Variants in TDRD7 observed in about 807,000 individuals in gnomAD.
The protein encoded by TDRD7 is tudor domain-containing protein 7.
In TDRD7, 47 loss-of-function variants were observed where a neutral mutation model predicts 109.8. The observed-to-expected ratio is 0.43, with a 90% CI of 0.34 to 0.55. The LOEUF (loss-of-function observed/expected upper bound fraction) is 0.55, where lower values mean the gene tolerates loss of function less well. Among genes scored for constraint, TDRD7 ranks in the 20% least tolerant of loss-of-function variants. The probability of loss-of-function intolerance (pLI) is 0.03; values close to 1 mark genes in which losing one functional copy is unlikely to be tolerated. For synonymous variants in TDRD7, 424 were observed against 457.3 expected (o/e 0.93, Z 0.93); for missense variants, 1,164 against 1,319.2 (o/e 0.88, Z 1.82).
At chr9:97,450,343 G>A (rs1053729574) in intron 6 of TDRD7, among the ~76,000 whole-genome samples, 3 of 152,230 alleles carry the variant, frequency 2.0e-5, no homozygotes, top group African/African-American at 7.2e-5. Context: ...TCCCACAGTA[G>A]AGGAGGCCTT....
intron 2 of TDRD7, among the ~76,000 whole-genome samples, chr9:97,429,529 G>A (rs928247955): frequency 9.2e-5 from 14 of 152,196 alleles, no homozygotes; most frequent in African/African-American, 3.4e-4. Flanking sequence ...AGGCAGTGGT[G>A]GAGGAGGACA....
At chr9:97,462,768 T>C (rs1828747482) in intron 7 of TDRD7, among the ~76,000 whole-genome samples, 1 of 152,264 alleles carries the variant, frequency 6.6e-6, no homozygotes, top group Non-Finnish European at 1.5e-5. Context: ...ATGTCAGTCC[T>C]GCACTGTGCC....
At chr9:97,441,550 A>G (rs1015825324) in intron 5 of TDRD7, 108 bp from the exon 6 acceptor site, 17 of 982,792 alleles carry the variant, frequency 1.7e-5, no homozygotes, top group Non-Finnish European at 2.6e-5. Context: ...TCCTTTGGCT[A>G]CCACAAGCCC....
intron 1 of TDRD7, among the ~76,000 whole-genome samples, chr9:97,426,424 C>G (rs936041841): frequency 6.6e-6 from 1 of 151,964 alleles, no homozygotes; most frequent in South Asian, 2.1e-4. Context: ...GCTAATTTTT[C>G]TATTTTTTGT....
chr9:97,448,547 G>A (rs1464159037), intron 6 of TDRD7, among the ~76,000 whole-genome samples: 7 of 152,238 alleles, frequency 4.6e-5, no homozygotes, highest in Non-Finnish European at 8.8e-5. Context: ...TGACTTTGAT[G>A]TTTTAGTTGT....
chr9:97,471,221 A>T (rs1424279159), intron 9 of TDRD7, among the ~76,000 whole-genome samples: 1 of 152,244 alleles, frequency 6.6e-6, no homozygotes, highest in Admixed American at 6.5e-5. Flanking sequence ...CTTAAAGGAC[A>T]GATGACACAT....
intron 1 of TDRD7, among the ~76,000 whole-genome samples, chr9:97,413,312 G>C (rs928977552): frequency 1.3e-5 from 2 of 152,242 alleles, no homozygotes; most frequent in Non-Finnish European, 2.9e-5. Context: ...TGCAGACCTG[G>C]ATTGAAATCT....
chr9:97,476,653 T>C lies in TDRD7; in HGVS notation c.2166+1184T>C, dbSNP rs1024855019. On this transcript the variant is annotated intron_variant, in intron 12 of 16. Transcript: ENST00000355295. ...TTTTTTTTCTTTGATACAGAGGTTC[T>C]TAACCTAGATGCAAGGACCTCAACT... 2.4e-4 allele frequency among the ~76,000 whole-genome samples: 37 copies of C among 151,884 alleles called. 1 individual carries two copies. The highest frequency in any genetic ancestry group is 8.7e-4 in the African/African-American group (36 of 41,390).
intron 4 of TDRD7, among the ~76,000 whole-genome samples, chr9:97,435,050 G>C (rs925165774): frequency 3.3e-5 from 5 of 152,164 alleles, no homozygotes; most frequent in Non-Finnish European, 5.9e-5. Flanking sequence ...TATAAAGAGA[G>C]AGCAAGAGGA....
chr9:97,469,019 A>G (rs1396772104), intron 8 of TDRD7, among the ~76,000 whole-genome samples: 1 of 152,246 alleles, frequency 6.6e-6, no homozygotes, highest in South Asian at 2.1e-4. Context: ...AACAGTTCAG[A>G]AACACTTTCT....
intron 10 of TDRD7, 69 bp downstream of exon 10, chr9:97,472,564 A>G (rs1828940323): frequency 1.6e-6 from 2 of 1,273,834 alleles, no homozygotes; most frequent in Non-Finnish European, 2.3e-6. Context: ...AGAATATTAT[A>G]CATTTTAGGC....
chr9:97,470,280 A>G (rs1828888168), intron 8 of TDRD7, among the ~76,000 whole-genome samples: 1 of 152,210 alleles, frequency 6.6e-6, no homozygotes, highest in African/African-American at 2.4e-5. Context: ...AAGACTGGCG[A>G]CAGCAAGGTG....
intron 16 of TDRD7, among the ~76,000 whole-genome samples, chr9:97,494,095 A>C (rs1188969511): frequency 1.3e-5 from 2 of 152,238 alleles, no homozygotes; most frequent in African/African-American, 2.4e-5. Flanking sequence ...AGGCATAGGA[A>C]ATCACAAGGG....
intron 15 of TDRD7, among the ~76,000 whole-genome samples, chr9:97,486,734 C>A (rs1459370476): frequency 6.6e-6 from 1 of 152,168 alleles, no homozygotes; most frequent in Non-Finnish European, 1.5e-5. Flanking sequence ...ATTTCTTCAT[C>A]CCCAGCTGGT....
chr9:97,458,654 G>A (rs1360350262), intron 6 of TDRD7, among the ~76,000 whole-genome samples: 1 of 152,180 alleles, frequency 6.6e-6, no homozygotes, highest in Non-Finnish European at 1.5e-5. Flanking sequence ...GGCTTTCCAG[G>A]TGTGGAAGTT....
chr9:97,441,464 TGC>T (rs1828303658), intron 5 of TDRD7, among the ~76,000 whole-genome samples, 192 bp from the exon 6 acceptor site: 1 of 152,166 alleles, frequency 6.6e-6, no homozygotes, highest in Non-Finnish European at 1.5e-5. Context: ...CAAGAAACAC[TGC>T]TGGTTATTTC....
At chr9:97,485,835 A>G (rs532698296) in intron 15 of TDRD7, among the ~76,000 whole-genome samples, 1 of 152,258 alleles carries the variant, frequency 6.6e-6, no homozygotes, top group Admixed American at 6.5e-5. Flanking sequence ...ATTCAGGTCT[A>G]TTTGGCCCCC....
intron 1 of TDRD7, among the ~76,000 whole-genome samples, chr9:97,415,698 C>T (rs1410213864): frequency 1.3e-5 from 2 of 152,132 alleles, no homozygotes; most frequent in African/African-American, 2.4e-5. Flanking sequence ...GAGGCTGAGG[C>T]GGGAGAATCA....
At chr9:97,452,752 G>C (rs1828521507) in intron 6 of TDRD7, among the ~76,000 whole-genome samples, 1 of 152,164 alleles carries the variant, frequency 6.6e-6, no homozygotes, top group Admixed American at 6.5e-5. Context: ...TGATCTTTAA[G>C]TATTATTCTG....
Sources: gnomAD v4.1 joint callset for allele counts (sites outside exome capture counted in the v4.1 genomes callset) on GRCh38, gnomAD v4.1.1 for gene constraint, MANE v1.5 for transcripts, NCBI Gene and HGNC (gene_info 2026-07-23, HGNC 2026-07-21) for gene names.